The following TAOK3 variants were observed in gnomAD, a reference collection of about 807,000 sequenced individuals.
TAOK3 encodes serine/threonine-protein kinase TAO3.
Under a neutral mutation model 120.4 loss-of-function variants are expected in TAOK3, and 40 were observed. The observed-to-expected ratio is 0.33, with a 90% CI of 0.26 to 0.43. The LOEUF is 0.43. Among genes scored for constraint, TAOK3 ranks in the 20% least tolerant of loss-of-function variants. The pLI, the probability that TAOK3 is intolerant of heterozygous loss-of-function variation, is 1.00. For missense variants in TAOK3, 821 were observed against 1,112.1 expected, an observed-to-expected ratio of 0.74 and a Z score of 3.72; for synonymous variants, 355 against 387.5, an observed-to-expected ratio of 0.92 and a Z score of 0.99.
At chr12:118,239,322 C>T in intron 5 of TAOK3, 50 bp from the exon 6 acceptor site, 2 of 1,059,522 alleles carry the variant, frequency 1.9e-6, no homozygotes, top group Non-Finnish European at 2.9e-6. Context: ...AATTTAAAAA[C>T]TGCTGAAACC....
intron 19 of TAOK3, among the ~76,000 whole-genome samples, chr12:118,155,227 C>T (rs2463173): frequency 0.46 from 69,958 of 151,996 alleles, 16,789 homozygotes; most frequent in Non-Finnish European, 0.52. Flanking sequence ...AACTCCTGAC[C>T]TCCGGTGATC....
chr12:118,177,059 G>T, intron 16 of TAOK3, 142 bp downstream of exon 16: 1 of 857,010 alleles, frequency 1.2e-6, no homozygotes, highest in Non-Finnish European at 1.8e-6. Context: ...GAGTCACTGT[G>T]CCCGGAAAGC....
intron 1 of TAOK3, among the ~76,000 whole-genome samples, chr12:118,368,473 C>T (rs1331246291): frequency 6.7e-6 from 1 of 149,708 alleles, no homozygotes; most frequent in East Asian, 2.1e-4. Context: ...GCTGGGATTA[C>T]AGGCGTGAGC....
rs926969801 is a variant in TAOK3, at chr12:118,262,942, C to T, written c.-89+3713G>A. Among the ~76,000 whole-genome samples the T allele has an allele frequency of 1.3e-4, 20 of 151,696 alleles. No homozygotes were observed. In the East Asian group the frequency reaches 1.9e-3, roughly 15 times the overall value. On this transcript the variant is annotated intron_variant, in intron 2 of 20. Transcript: ENST00000392533. ...CATAAAGACATAATGAAGGGATATA[C>T]GGTGTTTATAAATCAGAAGACTCAA...
intron 1 of TAOK3, among the ~76,000 whole-genome samples, chr12:118,366,980 TGAGA>T (rs2045757290): frequency 6.6e-6 from 1 of 152,138 alleles, no homozygotes; most frequent in Non-Finnish European, 1.5e-5. Context: ...ATCCCAGCTA[TGAGA>T]GAGGTGGAGG....
In TAOK3 at chr12:118,165,133, C is replaced by T. The variant is rs187440987; in HGVS notation, c.1900-3106G>A. Among the ~76,000 whole-genome samples, 4 of 152,252 alleles carry T rather than the reference C, an allele frequency of 2.6e-5. No individual in the cohort carries two copies. In the East Asian group the frequency reaches 5.8e-4, roughly 22 times the overall value. On this transcript the variant is annotated intron_variant, in intron 17 of 20. Transcript: ENST00000392533. ...TAGAGTTATCTCTCTCATCTCCTCC[C>T]GTGTTTTCCTTTGTTTTATTTTTCT...
intron 3 of TAOK3, among the ~76,000 whole-genome samples, chr12:118,251,210 T>C (rs769016287): frequency 3.9e-5 from 6 of 152,124 alleles, no homozygotes; most frequent in African/African-American, 4.8e-5. Flanking sequence ...AAATAAGAGA[T>C]AGCAGAGTCT....
chr12:118,316,092 AT>A (rs2043447090), intron 1 of TAOK3, among the ~76,000 whole-genome samples: 1 of 152,192 alleles, frequency 6.6e-6, no homozygotes, highest in Non-Finnish European at 1.5e-5. Context: ...GCCTCTAATT[AT>A]TTGATTTCTT....
At chr12:118,342,736 C>T (rs2044666396) in intron 1 of TAOK3, among the ~76,000 whole-genome samples, 3 of 152,054 alleles carry the variant, frequency 2.0e-5, no homozygotes, top group South Asian at 2.1e-4. Flanking sequence ...GAGTTCGAGA[C>T]CAGCCAGGGC....
At chr12:118,216,117 G>A (rs2038889226) in intron 9 of TAOK3, among the ~76,000 whole-genome samples, 1 of 152,092 alleles carries the variant, frequency 6.6e-6, no homozygotes, top group South Asian at 2.1e-4. Flanking sequence ...AGAATCACTT[G>A]AACCCAGGAG....
At chr12:118,206,941 G>A (rs2038351477) in intron 11 of TAOK3, among the ~76,000 whole-genome samples, 1 of 151,864 alleles carries the variant, frequency 6.6e-6, no homozygotes, top group Middle Eastern at 3.2e-3. Flanking sequence ...CCCTACAACT[G>A]GAATGCCCTC....
intron 1 of TAOK3, among the ~76,000 whole-genome samples, chr12:118,348,109 G>A (rs897655708): frequency 2.6e-5 from 4 of 152,186 alleles, no homozygotes; most frequent in African/African-American, 4.8e-5. Flanking sequence ...TGTCCACCAC[G>A]CCTGCTGAAA....
At chr12:118,199,457 AG>A in intron 12 of TAOK3, 200 bp from the exon 13 acceptor site, 1 of 594,792 alleles carries the variant, frequency 1.7e-6, no homozygotes, top group Non-Finnish European at 3.0e-6. Flanking sequence ...TGCCTTCCCC[AG>A]GGGCCATTCT....
chr12:118,207,085 G>C (rs940487413), intron 11 of TAOK3, among the ~76,000 whole-genome samples: 1 of 152,100 alleles, frequency 6.6e-6, no homozygotes, highest in African/African-American at 2.4e-5. Context: ...CCAGCACCTT[G>C]GGAGGCCGAG....
intron 1 of TAOK3, among the ~76,000 whole-genome samples, chr12:118,363,267 A>G (rs755380009): frequency 3.9e-5 from 6 of 152,248 alleles, no homozygotes; most frequent in Admixed American, 2.0e-4. Flanking sequence ...TTAGGAATGC[A>G]CATTATCTTC....
intron 3 of TAOK3, among the ~76,000 whole-genome samples, chr12:118,249,971 A>T (rs2040679715): frequency 6.6e-6 from 1 of 152,196 alleles, no homozygotes; most frequent in Non-Finnish European, 1.5e-5. Context: ...TGGATAATAT[A>T]CTGAGTTCAA....
At chr12:118,176,914 G>T (rs1317345542) in intron 16 of TAOK3, among the ~76,000 whole-genome samples, 1 of 152,040 alleles carries the variant, frequency 6.6e-6, no homozygotes, top group East Asian at 1.9e-4. Flanking sequence ...TTACAAGCAC[G>T]TGCCACCACG....
intron 1 of TAOK3, among the ~76,000 whole-genome samples, chr12:118,318,308 C>A (rs1338323225): frequency 6.6e-6 from 1 of 152,002 alleles, no homozygotes; most frequent in Non-Finnish European, 1.5e-5. Flanking sequence ...CAGGAACGCA[C>A]CACCACGCCC....
intron 1 of TAOK3, among the ~76,000 whole-genome samples, chr12:118,356,376 C>T (rs537289825): frequency 2.7e-4 from 41 of 150,366 alleles, no homozygotes; most frequent in Non-Finnish European, 4.9e-4. Context: ...CTCAGCTCAC[C>T]GCAACCTCCG....
Sources: gnomAD v4.1 joint callset for allele counts (sites outside exome capture counted in the v4.1 genomes callset) on GRCh38, gnomAD v4.1.1 for gene constraint, MANE v1.5 for transcripts, NCBI Gene and HGNC (gene_info 2026-07-23, HGNC 2026-07-21) for gene names.